ZNF709: variants seen among roughly 807,000 people sequenced by gnomAD.
ZNF709 encodes the protein zinc finger protein 709.
A neutral mutation model predicts 10.6 loss-of-function variants in ZNF709; 15 were observed. The ratio of observed to expected loss-of-function variants is 1.41; its 90% CI spans 0.95 to 2.18. ZNF709 has a LOEUF of 2.18. Among genes scored for constraint, ZNF709 ranks in the 30% most tolerant of loss-of-function variants. The pLI is 0.00. For synonymous variants in ZNF709, 194 were observed against 238.8 expected (o/e 0.81, Z 1.73); for missense variants, 589 against 774.0 (o/e 0.76, Z 2.84).
intron 1 of ZNF709, among the ~76,000 whole-genome samples, chr19:12,467,669 C>T (rs1466064728): frequency 1.3e-4 from 19 of 151,922 alleles, no homozygotes; most frequent in Middle Eastern, 3.4e-3. Flanking sequence ...CGCCTCTTCC[C>T]GGCCGCCATC....
In ZNF709 at chr19:12,484,760, G is replaced by C. The variant is rs939015510; in HGVS notation, c.-103C>G. The C allele has an allele frequency of 6.5e-6, 10 of 1,529,354 alleles. No homozygotes were observed. Among genetic ancestry groups the C allele is most frequent in the Non-Finnish European group, 9.0e-6 (10 of 1,105,684 alleles). 94.7% of individuals were successfully genotyped at this position (1,529,354 alleles called of 1,614,324 possible). A position where few individuals can be genotyped will look rare whatever the true frequency, so the allele number is the denominator to read the frequency against. On this transcript the variant is annotated 5_prime_UTR_variant, in exon 1 of 4. Coordinates refer to ENST00000397732, the MANE Select transcript of ZNF709 (RefSeq NM_152601.4). ...CTTCCTCCACCTGAGGGCCTTCTGG[G>C]GTGAGGAGACCCCAGAGCGGAGCGC...
At chr19:12,467,195 C>G (rs1034794936) in intron 1 of ZNF709, among the ~76,000 whole-genome samples, 3 of 152,252 alleles carry the variant, frequency 2.0e-5, no homozygotes, top group African/African-American at 7.2e-5. Context: ...AGAGCCGAAG[C>G]TGGACTGTAC....
At chr19:12,473,002 G>T (rs542828430) in intron 1 of ZNF709, among the ~76,000 whole-genome samples, 2 of 152,288 alleles carry the variant, frequency 1.3e-5, no homozygotes, top group African/African-American at 4.8e-5. Flanking sequence ...CTACTCCCAA[G>T]TATTGATGAC....
In ZNF709 at chr19:12,466,391, C is replaced by T. The variant is rs1234956894; in HGVS notation, c.188+71G>A. 7 of 1,410,044 alleles carry T rather than the reference C, an allele frequency of 5.0e-6. No homozygotes were observed. The African/African-American group carries it at 8.6e-5, about 17-fold the overall frequency. 87.3% of individuals were successfully genotyped at this position (1,410,044 alleles called of 1,614,324 possible). On this transcript the variant is annotated intron_variant, in intron 3 of 3. Transcript: ENST00000397732. ...ATGGGGCTTATTTGTTTCAATTATT[C>T]ATTTTTTAAACCTAATGGCATGCTA... is the stretch of plus-strand genomic sequence containing the variant.
At chr19:12,480,194 T>C (rs1970712494) in intron 1 of ZNF709, among the ~76,000 whole-genome samples, 3 of 152,012 alleles carry the variant, frequency 2.0e-5, no homozygotes, top group Admixed American at 2.0e-4. Context: ...CTTTAAGCAC[T>C]GACAATTACA....
Position 12,462,820 on chromosome 19 carries a change from C to T in ZNF709, c.*1176G>A, listed in dbSNP as rs1012616879. 1 of 152,126 alleles carries T rather than the reference C, an allele frequency of 6.6e-6. No individual in the cohort carries two copies. Among genetic ancestry groups the T allele is most frequent in the African/African-American group, 2.4e-5 (1 of 41,416 alleles). 9.4% of individuals were successfully genotyped at this position (152,126 alleles called of 1,614,324 possible). A position where few individuals can be genotyped will look rare whatever the true frequency, so the allele number is the denominator to read the frequency against. Reference sequence around the variant, plus strand: ...AGCTTATTATAAATACACTTCAATTCACTCATGAATCTAACAGACTTCAAT... The same window carrying T: ...AGCTTATTATAAATACACTTCAATTTACTCATGAATCTAACAGACTTCAAT... On this transcript the variant is annotated 3_prime_UTR_variant, in exon 4 of 4. Transcript: ENST00000397732.
chr19:12,467,144 G>A (rs561573596), intron 1 of ZNF709, among the ~76,000 whole-genome samples: 18 of 151,972 alleles, frequency 1.2e-4, no homozygotes, highest in African/African-American at 4.4e-4. Flanking sequence ...CTCTCCCCAC[G>A]GTCTCCCTCT....
At chr19:12,472,606 G>A (rs1970643216) in intron 1 of ZNF709, among the ~76,000 whole-genome samples, 1 of 151,996 alleles carries the variant, frequency 6.6e-6, no homozygotes, top group Admixed American at 6.6e-5. Context: ...GGTCTGGCTG[G>A]GCACGGTGGC....
chr19:12,472,620 C>T (rs1443044088), intron 1 of ZNF709, among the ~76,000 whole-genome samples: 4 of 151,874 alleles, frequency 2.6e-5, no homozygotes, highest in Non-Finnish European at 5.9e-5. Context: ...CGGTGGCTCA[C>T]GCCTGTAATC....
At position 12,462,859 on chromosome 19, in the gene ZNF709, A is replaced by T. The variant is rs1599630166; in HGVS notation, c.*1137T>A. 1 of 152,344 alleles carries T rather than the reference A, an allele frequency of 6.6e-6. No individual in the cohort carries two copies. The highest frequency in any genetic ancestry group is 1.9e-4 in the East Asian group (1 of 5,192). The allele number at this position is 152,344 out of a possible 1,614,324, so 9.4% of individuals were successfully genotyped here. On this transcript the variant is annotated 3_prime_UTR_variant, in exon 4 of 4. Transcript: ENST00000397732. ...ACAGACTTCAATATGGAAAGACAAA[A>T]TTTCAGAAACTGATTTAATGAAAAA...
intron 1 of ZNF709, among the ~76,000 whole-genome samples, chr19:12,481,965 GGAA>G (rs1238447636): frequency 1.3e-5 from 1 of 79,272 alleles, no homozygotes; most frequent in Non-Finnish European, 2.5e-5. Context: ...AGGAAGGAAA[GGAA>G]GAAGGAAAGG....
chr19:12,465,806 A>G (rs895782297), intron 3 of ZNF709, 73 bp from the exon 4 acceptor site: 2 of 1,192,996 alleles, frequency 1.7e-6, no homozygotes, highest in Non-Finnish European at 2.2e-6. Flanking sequence ...ATTATTGATT[A>G]TTTCACAATC....
chr19:12,468,846 AT>A (rs942905541), intron 1 of ZNF709, among the ~76,000 whole-genome samples: 85 of 147,156 alleles, frequency 5.8e-4, no homozygotes, highest in Admixed American at 6.1e-4. Flanking sequence ...TCTGTACGAG[AT>A]TTTTTTTTTT....
chr19:12,464,312 C>T lies in ZNF709; in HGVS notation c.1610G>A (p.Cys537Tyr). The T allele has an allele frequency of 6.2e-7, 1 of 1,608,386 alleles. No homozygotes were observed. The highest frequency in any genetic ancestry group is 8.5e-7 in the Non-Finnish European group (1 of 1,177,454). ...TGEKPYECKQ[C>Y]GKAFSCSSSI... ...ACTGGAACAACTAAACGCCTTACCA[C>T]ACTGTTTACATTCATAGGGTTTCTC... The change falls in exon 4 of 4, where the codon TGT becomes TAT. Residue 537 changes from cysteine to tyrosine, a missense_variant. Transcript: ENST00000397732.
At chr19:12,477,130 G>A (rs753734729) in intron 1 of ZNF709, among the ~76,000 whole-genome samples, 1 of 152,104 alleles carries the variant, frequency 6.6e-6, no homozygotes, top group Non-Finnish European at 1.5e-5. Flanking sequence ...GGGCTTAATG[G>A]GTGGGACCAC....
chr19:12,482,629 C>T (rs1220383020), intron 1 of ZNF709, among the ~76,000 whole-genome samples: 1 of 152,202 alleles, frequency 6.6e-6, no homozygotes, highest in Middle Eastern at 3.4e-3. Context: ...AAAACTCAAA[C>T]CTAATGTCTA....
chr19:12,484,532 G>C, intron 1 of ZNF709, 123 bp downstream of exon 1: 2 of 1,348,730 alleles, frequency 1.5e-6, no homozygotes, highest in Non-Finnish European at 1.0e-6. Flanking sequence ...TGCGCCAGGA[G>C]GACTCGGGTC....
chr19:12,474,426 T>C (rs1325481379), intron 1 of ZNF709, among the ~76,000 whole-genome samples: 1 of 152,228 alleles, frequency 6.6e-6, no homozygotes, highest in East Asian at 1.9e-4. Context: ...CATTCATCTG[T>C]TGACACACAT....
Position 12,464,551 on chromosome 19 carries a change from G to A in ZNF709, c.1371C>T (p.Phe457=), listed in dbSNP as rs774146994. ...PYECKQCGKA[F]SCSSSFRMHE... ...GCATTCGAAAGGAACTGGAACAACT[G>A]AAGGCTTTACCACACTGTTTACATT... The change falls in exon 4 of 4, where the codon TTC becomes TTT. Residue 457 remains phenylalanine, a synonymous_variant. Coordinates refer to ENST00000397732, the MANE Select transcript of ZNF709 (RefSeq NM_152601.4). The A allele has an allele frequency of 1.2e-6, 2 of 1,610,250 alleles. No homozygotes were observed. Among genetic ancestry groups the A allele is most frequent in the African/African-American group, 2.7e-5 (2 of 73,920 alleles).
Sources: allele counts gnomAD v4.1 joint callset (sites outside exome capture counted in the v4.1 genomes callset), GRCh38; gene constraint gnomAD v4.1.1; transcripts MANE v1.5; gene names NCBI Gene and HGNC (gene_info 2026-07-23, HGNC 2026-07-21).